CELF4: variants seen among roughly 807,000 people sequenced by gnomAD.
CELF4 encodes CUG-BP- and ETR-3-like factor 4.
Under a neutral mutation model 59.9 loss-of-function variants are expected in CELF4, and 18 were observed. The observed-to-expected ratio is 0.30, with a 90% confidence interval of 0.21 to 0.45. The LOEUF is 0.45. Among genes scored for constraint, CELF4 ranks in the 20% least tolerant of loss-of-function variants. The pLI is 1.00. For synonymous variants in CELF4, 261 were observed against 267.1 expected (o/e 0.98, Z 0.22); for missense variants, 456 against 689.0 (o/e 0.66, Z 3.79).
At position 37,270,900 on chromosome 18, in the gene CELF4, C is replaced by T. The variant is rs887263665; in HGVS notation, c.967G>A (p.Gly323Ser). The change falls in exon 8 of 13, where the codon GGC becomes AGC. Residue 323 changes from glycine (G) to serine (S), a missense_variant. Gly to Ser is a moderately conservative substitution (Grantham distance 56). Coordinates refer to ENST00000420428, the MANE Select transcript of CELF4 (RefSeq NM_020180.4). ...CTAGGCACGGCTGGTGCAGTGATGC[C>T]CGGAGGGGTGCTGCCACCTGGTTCC... ...TPTSGGSTPP[G>S]ITAPAVPSIP... The T allele has an allele frequency of 1.9e-6, 3 of 1,609,698 alleles. No individual in the cohort carries two copies. Among genetic ancestry groups the T allele is most frequent in the African/African-American group, 2.7e-5 (2 of 74,832 alleles).
chr18:37,351,835 T>C (rs1008979140), intron 2 of CELF4, among the ~76,000 whole-genome samples: 4 of 152,054 alleles, frequency 2.6e-5, no homozygotes, highest in African/African-American at 9.7e-5. Flanking sequence ...GCTGGTCTCA[T>C]ACTCCTGGGG....
chr18:37,456,065 C>T (rs2099777380), intron 2 of CELF4, among the ~76,000 whole-genome samples: 2 of 152,176 alleles, frequency 1.3e-5, no homozygotes, highest in African/African-American at 2.4e-5. Flanking sequence ...GAGTGTCATA[C>T]CTACCCTTGG....
chr18:37,367,305 T>G (rs1456385841), intron 2 of CELF4, among the ~76,000 whole-genome samples: 1 of 150,584 alleles, frequency 6.6e-6, no homozygotes, highest in Admixed American at 6.6e-5. Context: ...GTGGGAAGGA[T>G]GGAGCAGCCA....
chr18:37,491,196 A>C, intron 1 of CELF4, among the ~76,000 whole-genome samples: 3 of 108,884 alleles, frequency 2.8e-5, no homozygotes, highest in East Asian at 3.1e-4. Context: ...TCCTCTCCTC[A>C]CCTGAGAGGG....
intron 2 of CELF4, among the ~76,000 whole-genome samples, chr18:37,418,732 T>C (rs2099549214): frequency 4.6e-5 from 7 of 152,326 alleles, no homozygotes; most frequent in Middle Eastern, 3.4e-3. Flanking sequence ...GTAAAGCACA[T>C]GTCAGACAGG....
At chr18:37,339,106 A>G (rs1187157611) in intron 2 of CELF4, among the ~76,000 whole-genome samples, 1 of 152,230 alleles carries the variant, frequency 6.6e-6, no homozygotes, top group African/African-American at 2.4e-5. Flanking sequence ...ACAAAGTATT[A>G]TGATTGCATT....
intron 3 of CELF4, among the ~76,000 whole-genome samples, chr18:37,292,796 C>T (rs1034270740): frequency 2.6e-5 from 4 of 152,064 alleles, no homozygotes; most frequent in Non-Finnish European, 5.9e-5. Flanking sequence ...CAATGTGCAC[C>T]GTTTCTGGAC....
At chr18:37,287,300 C>T (rs1569531492) in intron 3 of CELF4, among the ~76,000 whole-genome samples, 2 of 152,234 alleles carry the variant, frequency 1.3e-5, no homozygotes, top group African/African-American at 4.8e-5. Context: ...GTCCCTGGCC[C>T]TCCACCTGCC....
chr18:37,262,233 G>A (rs1380881803), intron 10 of CELF4, among the ~76,000 whole-genome samples: 2 of 152,136 alleles, frequency 1.3e-5, no homozygotes, highest in Admixed American at 6.5e-5. Flanking sequence ...TGTTGGTATC[G>A]TGCATTACTC....
intron 2 of CELF4, among the ~76,000 whole-genome samples, chr18:37,407,567 ATGTG>A (rs1022053683): frequency 3.4e-5 from 5 of 145,240 alleles, no homozygotes; most frequent in Non-Finnish European, 7.6e-5. Flanking sequence ...GTGTATATAT[ATGTG>A]TGTGTATGTG....
intron 8 of CELF4, 56 bp downstream of exon 8, chr18:37,270,712 C>G: frequency 6.2e-7 from 1 of 1,600,254 alleles, no homozygotes; most frequent in Non-Finnish European, 8.6e-7. Context: ...AGGGCAGGGA[C>G]AGCATGGATA....
intron 1 of CELF4, among the ~76,000 whole-genome samples, chr18:37,496,187 C>T (rs1055342318): frequency 2.6e-5 from 4 of 152,224 alleles, no homozygotes; most frequent in Non-Finnish European, 4.4e-5. Context: ...GGGTCTCCTT[C>T]GAAAATGTCT....
At chr18:37,403,443 C>A (rs1404501684) in intron 2 of CELF4, among the ~76,000 whole-genome samples, 2 of 152,048 alleles carry the variant, frequency 1.3e-5, no homozygotes, top group Non-Finnish European at 2.9e-5. Context: ...TCTCTGTGCT[C>A]CTCCTCCAGT....
chr18:37,511,476 C>T (rs2099944273), intron 1 of CELF4, among the ~76,000 whole-genome samples: 1 of 151,976 alleles, frequency 6.6e-6, no homozygotes. Context: ...GGACTTGAAT[C>T]CTAGTCTCGC....
At chr18:37,425,988 C>T (rs1364788576) in intron 2 of CELF4, among the ~76,000 whole-genome samples, 1 of 152,208 alleles carries the variant, frequency 6.6e-6, no homozygotes, top group African/African-American at 2.4e-5. Context: ...GGAGGGGAAA[C>T]AGGCTCATTG....
At chr18:37,548,819 C>A (rs2099982256) in intron 1 of CELF4, among the ~76,000 whole-genome samples, 1 of 152,208 alleles carries the variant, frequency 6.6e-6, no homozygotes, top group Admixed American at 6.5e-5. Flanking sequence ...AGGACCCAGG[C>A]ATGTGGCTCC....
intron 2 of CELF4, among the ~76,000 whole-genome samples, chr18:37,375,138 C>T (rs1465329324): frequency 6.6e-6 from 1 of 152,064 alleles, no homozygotes; most frequent in East Asian, 1.9e-4. Flanking sequence ...CATGAGAGCC[C>T]GTGGGTGCAT....
In CELF4 at chr18:37,525,112, C is replaced by T. The variant is rs540675887; in HGVS notation, c.287-39505G>A. ...CCTTTTTGTGCCTCCCCCTTTCTTC[C>T]CTTCCTCTTAAGCTGGCCACAGGGT... On this transcript the variant is annotated intron_variant, in intron 1 of 12. Coordinates refer to ENST00000420428, the MANE Select transcript of CELF4 (RefSeq NM_020180.4). 2.0e-5 allele frequency among the ~76,000 whole-genome samples: 3 copies of T among 152,280 alleles called. No homozygotes were observed. In the South Asian group the frequency reaches 6.2e-4, roughly 32 times the overall value.
intron 2 of CELF4, among the ~76,000 whole-genome samples, chr18:37,325,142 C>T (rs868424579): frequency 8.1e-5 from 12 of 148,248 alleles, no homozygotes; most frequent in Middle Eastern, 3.5e-3. Context: ...ATCTGTTGGG[C>T]TTTGTCGCTC....
Sources: gnomAD v4.1 joint callset for allele counts (sites outside exome capture counted in the v4.1 genomes callset) on GRCh38, gnomAD v4.1.1 for gene constraint, MANE v1.5 for transcripts, NCBI Gene and HGNC (gene_info 2026-07-23, HGNC 2026-07-21) for gene names.